Variants in SMARCA2 observed in about 807,000 individuals in gnomAD.
The protein encoded by SMARCA2 is SWI/SNF related BAF chromatin remodeling complex subunit ATPase 2.
Under a neutral mutation model 199.8 loss-of-function variants are expected in SMARCA2, and 61 were observed. The ratio of observed to expected loss-of-function variants is 0.31; its 90% confidence interval spans 0.25 to 0.38. The LOEUF (loss-of-function observed/expected upper bound fraction) is 0.38, where lower values mean the gene tolerates loss of function less well. Ranked by LOEUF, SMARCA2 falls within the 10% of genes least tolerant of loss-of-function variation. SMARCA2 has a pLI of 1.00. For synonymous variants in SMARCA2, 935 were observed against 732.0 expected (o/e 1.28, Z -4.48); for missense variants, 1,344 against 2,012.2 (o/e 0.67, Z 6.35).
Position 2,192,954 on chromosome 9 carries a change from C to T in SMARCA2, c.*215C>T. On this transcript the variant is annotated 3_prime_UTR_variant, in exon 34 of 34. Transcript: ENST00000349721. ...TTGTAACATATTGTGACCAAATGGGCCTCAAAGATTCAGATTGAAACAAAC... is the reference window on the plus strand; with the variant it reads ...TTGTAACATATTGTGACCAAATGGGTCTCAAAGATTCAGATTGAAACAAAC... 1 of 498,588 alleles carries T rather than the reference C, an allele frequency of 2.0e-6. No individual in the cohort carries two copies. Among genetic ancestry groups the T allele is most frequent in the Non-Finnish European group, 3.5e-6 (1 of 283,184 alleles). The allele number at this position is 498,588 out of a possible 1,614,324, so 30.9% of individuals were successfully genotyped here. A position where few individuals can be genotyped will look rare whatever the true frequency, so the allele number is the denominator to read the frequency against.
intron 27 of SMARCA2, among the ~76,000 whole-genome samples, chr9:2,133,932 T>C (rs1415391097): frequency 2.0e-5 from 3 of 152,188 alleles, no homozygotes; most frequent in Non-Finnish European, 2.9e-5. Context: ...TCTAATTAGC[T>C]GTGTGACCTT....
At chr9:2,097,530 A>G in intron 21 of SMARCA2, 59 bp downstream of exon 21, 2 of 1,039,424 alleles carry the variant, frequency 1.9e-6, no homozygotes, top group Non-Finnish European at 2.9e-6. Flanking sequence ...TGCTAGTTAA[A>G]AAAAAACAAA....
chr9:2,114,553 A>G (rs1205871620), intron 24 of SMARCA2, among the ~76,000 whole-genome samples: 1 of 152,224 alleles, frequency 6.6e-6, no homozygotes, highest in Non-Finnish European at 1.5e-5. Context: ...TATACAGTCT[A>G]ATGGGAGACA....
intron 27 of SMARCA2, among the ~76,000 whole-genome samples, chr9:2,154,443 C>T (rs943121061): frequency 6.6e-6 from 1 of 152,184 alleles, no homozygotes; most frequent in Non-Finnish European, 1.5e-5. Flanking sequence ...TTTCCTCTCT[C>T]ATGATTGGGC....
intron 25 of SMARCA2, among the ~76,000 whole-genome samples, chr9:2,117,933 G>T (rs1823282097): frequency 6.6e-6 from 1 of 152,244 alleles, no homozygotes; most frequent in Non-Finnish European, 1.5e-5. Flanking sequence ...GAAAGATCAG[G>T]ACAACATAGG....
At chr9:2,060,656 C>G (rs767600003) in intron 8 of SMARCA2, among the ~76,000 whole-genome samples, 160 bp from the exon 9 acceptor site, 12 of 152,166 alleles carry the variant, frequency 7.9e-5, no homozygotes, top group Admixed American at 2.6e-4. Flanking sequence ...TGTGTTTGTC[C>G]CACTTCAGAC....
At chr9:2,126,153 T>C (rs1823683929) in intron 27 of SMARCA2, among the ~76,000 whole-genome samples, 1 of 152,250 alleles carries the variant, frequency 6.6e-6, no homozygotes, top group African/African-American at 2.4e-5. Context: ...CTTCCTTTTA[T>C]CTACAACATG....
At chr9:2,175,256 G>GTGAT (rs1374921990) in intron 29 of SMARCA2, among the ~76,000 whole-genome samples, 1 of 151,928 alleles carries the variant, frequency 6.6e-6, no homozygotes, top group African/African-American at 2.4e-5. Flanking sequence ...CGAAAGCTGA[G>GTGAT]TGATAGCTGA....
intron 3 of SMARCA2, 193 bp downstream of exon 3, chr9:2,033,274 C>G: frequency 3.6e-6 from 2 of 549,906 alleles, no homozygotes; most frequent in East Asian, 6.5e-5. Context: ...ATTTTATTTC[C>G]GAAGTCCTAG....
At chr9:2,041,527 C>T in intron 4 of SMARCA2, 1 of 397,574 alleles carries the variant, frequency 2.5e-6, no homozygotes, top group Non-Finnish European at 4.4e-6. Context: ...ATAGTCACCT[C>T]CCAAAGACCC....
chr9:2,157,626 C>T (rs1355316201), intron 27 of SMARCA2: 2 of 354,344 alleles, frequency 5.6e-6, no homozygotes, highest in Non-Finnish European at 5.0e-6. Context: ...TTGCTCCTTT[C>T]AGTGTTAAGA....
At chr9:2,083,442 G>A (rs1315418404) in intron 16 of SMARCA2, 29 bp downstream of exon 16, 1 of 1,443,234 alleles carries the variant, frequency 6.9e-7, no homozygotes, top group Non-Finnish European at 9.6e-7. Flanking sequence ...ATATATAAAT[G>A]TGGAAAAGCA....
rs997869566 is a variant in SMARCA2, at chr9:2,157,816, T to A, written c.3982-3870T>A. ...TGAACCACGCATAACAGCAATTCTTTACACCACCGGGTTGAGAAGAAGGCG... is the reference window on the plus strand; with the variant it reads ...TGAACCACGCATAACAGCAATTCTTAACACCACCGGGTTGAGAAGAAGGCG... On this transcript the variant is annotated intron_variant, in intron 27 of 33. Transcript: ENST00000349721. The A allele has an allele frequency of 1.2e-4, 48 of 398,120 alleles. 1 individual carries two copies. Among genetic ancestry groups the A allele is most frequent in the Non-Finnish European group, 4.4e-6 (1 of 225,950 alleles). 24.7% of individuals were successfully genotyped at this position (398,120 alleles called of 1,614,324 possible).
chr9:2,132,662 C>G (rs1824015276), intron 27 of SMARCA2, among the ~76,000 whole-genome samples: 1 of 152,124 alleles, frequency 6.6e-6, no homozygotes, highest in South Asian at 2.1e-4. Flanking sequence ...TTCTAGCAAG[C>G]TGCATTTCCG....
rs571559859 is a variant in SMARCA2 at position 2,107,791 on chromosome 9, T to C, written c.3293-2463T>C. ...TCTCAGTAGGCATTGGTTGTATTTATATCTTATGTTACTGGCCAGATCCAC... is the reference window on the plus strand; with the variant it reads ...TCTCAGTAGGCATTGGTTGTATTTACATCTTATGTTACTGGCCAGATCCAC... On this transcript the variant is annotated intron_variant, in intron 23 of 33. Transcript: ENST00000349721. Among the ~76,000 whole-genome samples, 4 of 152,300 alleles carry C rather than the reference T, an allele frequency of 2.6e-5. No homozygotes were observed. In the South Asian group the frequency reaches 8.3e-4, roughly 32 times the overall value.
chr9:2,063,586 G>T (rs1820695162), intron 9 of SMARCA2, among the ~76,000 whole-genome samples: 1 of 152,178 alleles, frequency 6.6e-6, no homozygotes, highest in Non-Finnish European at 1.5e-5. Flanking sequence ...TGAGCTAGTA[G>T]TTAATAGCAC....
chr9:2,066,661 A>G (rs539397906), intron 9 of SMARCA2, among the ~76,000 whole-genome samples: 1 of 152,360 alleles, frequency 6.6e-6, no homozygotes, highest in African/African-American at 2.4e-5. Flanking sequence ...AAGCCAGTAC[A>G]AAGTTTCTTG....
Position 2,061,670 on chromosome 9 carries a change from T to G in SMARCA2, c.1692+684T>G, listed in dbSNP as rs373952555. Among the ~76,000 whole-genome samples the G allele has an allele frequency of 1.5e-4, 23 of 152,318 alleles. No homozygotes were observed. In the South Asian group the frequency reaches 3.7e-3, roughly 25 times the overall value. On this transcript the variant is annotated intron_variant, in intron 9 of 33. Transcript: ENST00000349721. Reference sequence around the variant, plus strand: ...AGCTTAAGTCATCCAGTCGTCTAGTTAGTGGTTGATACTGTGTGTTCATGA... The same window carrying G: ...AGCTTAAGTCATCCAGTCGTCTAGTGAGTGGTTGATACTGTGTGTTCATGA...
chr9:2,147,241 CAAAA>C (rs5895958), intron 27 of SMARCA2, among the ~76,000 whole-genome samples: 1,191 of 106,508 alleles, frequency 0.011, 20 homozygotes, highest in African/African-American at 0.037. Flanking sequence ...ACTGAGTGAC[CAAAA>C]AAAAAAAAAA....
Sources: gnomAD v4.1 joint callset for allele counts (sites outside exome capture counted in the v4.1 genomes callset) on GRCh38, gnomAD v4.1.1 for gene constraint, MANE v1.5 for transcripts, NCBI Gene and HGNC (gene_info 2026-07-23, HGNC 2026-07-21) for gene names.